The following SCHIP1 variants were observed in gnomAD, a reference collection of about 807,000 sequenced individuals.
SCHIP1 encodes the protein schwannomin interacting protein 1, also known as schwannomin-interacting protein 1.
In SCHIP1, 8 loss-of-function variants were observed where a neutral mutation model predicts 29.7. The ratio of observed to expected loss-of-function variants is 0.27; its 90% confidence interval spans 0.16 to 0.49. The LOEUF (loss-of-function observed/expected upper bound fraction) is 0.49. SCHIP1 is among the 20% of genes least tolerant of loss of function. SCHIP1 has a pLI of 0.99. For synonymous variants in SCHIP1, 76 were observed against 94.9 expected, an observed-to-expected ratio of 0.80 and a Z score of 1.16; for missense variants, 193 against 294.6, an observed-to-expected ratio of 0.66 and a Z score of 2.52.
At chr3:159,277,538 C>A in the SCHIP1 span, among the ~76,000 whole-genome samples, 8 of 150,710 alleles carry the variant, frequency 5.3e-5, no homozygotes, top group Non-Finnish European at 8.9e-5. Flanking sequence ...ATTTACTGAC[C>A]CCTGGGCAAG....
At chr3:159,832,624 A>G in the SCHIP1 span, among the ~76,000 whole-genome samples, 2 of 152,194 alleles carry the variant, frequency 1.3e-5, no homozygotes. Context: ...AATAGTCCAA[A>G]TTAATGGCTT....
At chr3:159,355,390 TG>T in the SCHIP1 span, among the ~76,000 whole-genome samples, 1 of 152,114 alleles carries the variant, frequency 6.6e-6, no homozygotes, top group Non-Finnish European at 1.5e-5. Flanking sequence ...CCCCCAACGC[TG>T]TTACTGTGTC....
chr3:159,627,958 TA>T, the SCHIP1 span, among the ~76,000 whole-genome samples: 16 of 152,222 alleles, frequency 1.1e-4, no homozygotes, highest in Admixed American at 1.0e-3. Flanking sequence ...TTGGGCTTAC[TA>T]AAGCAGTCAG....
chr3:159,446,460 A>AATATT, the SCHIP1 span, among the ~76,000 whole-genome samples: 2 of 152,132 alleles, frequency 1.3e-5, no homozygotes, highest in African/African-American at 4.8e-5. Flanking sequence ...ACAGCAATAC[A>AATATT]GTATTGTTGC....
the SCHIP1 span, among the ~76,000 whole-genome samples, chr3:159,609,086 A>G: frequency 6.6e-6 from 1 of 152,228 alleles, no homozygotes; most frequent in African/African-American, 2.4e-5. Context: ...CAACCTAGAG[A>G]GAAGATGCAT....
chr3:159,402,639 G>A, the SCHIP1 span, among the ~76,000 whole-genome samples: 1 of 152,262 alleles, frequency 6.6e-6, no homozygotes, highest in South Asian at 2.1e-4. Flanking sequence ...TAGGGACATG[G>A]ATGAAACTGG....
At chr3:159,518,283 T>A in the SCHIP1 span, among the ~76,000 whole-genome samples, 211 of 152,180 alleles carry the variant, frequency 1.4e-3, no homozygotes, top group South Asian at 0.026. Context: ...TAGAAAATGA[T>A]TGCATTTGGA....
At chr3:159,627,647 A>G in the SCHIP1 span, among the ~76,000 whole-genome samples, 1 of 152,224 alleles carries the variant, frequency 6.6e-6, no homozygotes, top group Non-Finnish European at 1.5e-5. Context: ...TTCATCGCCT[A>G]GTGAGATGGC....
the SCHIP1 span, among the ~76,000 whole-genome samples, chr3:159,368,333 G>A: frequency 2.0e-5 from 3 of 152,026 alleles, no homozygotes; most frequent in Non-Finnish European, 4.4e-5. Context: ...CCATCTCCTA[G>A]CTCCCCATGC....
chr3:159,376,366 A>G, the SCHIP1 span, among the ~76,000 whole-genome samples: 15 of 152,300 alleles, frequency 9.8e-5, no homozygotes, highest in Non-Finnish European at 7.4e-5. Context: ...AAGTTGGTCA[A>G]CCTGGCACAA....
chr3:159,608,067 C>T, the SCHIP1 span, among the ~76,000 whole-genome samples: 1 of 152,086 alleles, frequency 6.6e-6, no homozygotes, highest in East Asian at 1.9e-4. Flanking sequence ...ATTGGGCTGC[C>T]CTCAGAAAGT....
intron 1 of SCHIP1, 81 bp from the exon 3 acceptor site, chr3:159,866,082 A>G (rs1171271367): frequency 3.3e-6 from 4 of 1,207,930 alleles, no homozygotes; most frequent in Non-Finnish European, 4.8e-6. Context: ...TACAGTTCTA[A>G]GAAACTTAGC....
the SCHIP1 span, among the ~76,000 whole-genome samples, chr3:159,747,954 A>G: frequency 6.6e-6 from 1 of 152,236 alleles, no homozygotes; most frequent in Admixed American, 6.5e-5. Context: ...GTCTGAAACT[A>G]TCAAGTAGAA....
At chr3:159,641,683 A>G in the SCHIP1 span, among the ~76,000 whole-genome samples, 1 of 152,186 alleles carries the variant, frequency 6.6e-6, no homozygotes, top group African/African-American at 2.4e-5. Flanking sequence ...AAGTGAGTGT[A>G]ATTCACCCAA....
the SCHIP1 span, among the ~76,000 whole-genome samples, chr3:159,795,638 G>A: frequency 2.7e-4 from 41 of 152,344 alleles, no homozygotes; most frequent in Middle Eastern, 3.4e-3. Flanking sequence ...TATAGACACA[G>A]TGGTGGTCCA....
chr3:159,678,811 A>G, the SCHIP1 span, among the ~76,000 whole-genome samples: 6 of 152,238 alleles, frequency 3.9e-5, no homozygotes, highest in Admixed American at 1.3e-4. Context: ...CTCTTCACAG[A>G]GTGGCAGAAG....
chr3:159,282,446 TA>T, the SCHIP1 span, among the ~76,000 whole-genome samples: 2 of 149,806 alleles, frequency 1.3e-5, no homozygotes, highest in Admixed American at 1.3e-4. Flanking sequence ...TATATTTTCC[TA>T]GATTGCATAT....
the SCHIP1 span, among the ~76,000 whole-genome samples, chr3:159,674,598 T>TAA: frequency 3.9e-3 from 209 of 53,930 alleles, 2 homozygotes; most frequent in African/African-American, 0.012. Flanking sequence ...GGGTCAGGAT[T>TAA]AAAAAAAAAA....
At chr3:159,495,712 C>CT in the SCHIP1 span, among the ~76,000 whole-genome samples, 2 of 152,298 alleles carry the variant, frequency 1.3e-5, no homozygotes, top group South Asian at 4.1e-4. Flanking sequence ...AATGCCATCC[C>CT]TATCAAGCTA....
Sources: gnomAD v4.1 joint callset for allele counts (sites outside exome capture counted in the v4.1 genomes callset) on GRCh38, gnomAD v4.1.1 for gene constraint, MANE v1.5 for transcripts, NCBI Gene and HGNC (gene_info 2026-07-23, HGNC 2026-07-21) for gene names.